The following HTR2C variants were observed in gnomAD, a reference collection of about 807,000 sequenced individuals.
HTR2C encodes 5-hydroxytryptamine receptor 2C, also known as 5-hydroxytryptamine (serotonin) receptor 2C, G protein-coupled.
HTR2C carries 5 observed loss-of-function variants against 21.0 expected under a neutral mutation model. That is an observed-to-expected ratio of 0.24 (90% CI 0.12 to 0.50). The LOEUF (loss-of-function observed/expected upper bound fraction) is 0.50, where lower values mean the gene tolerates loss of function less well. Among genes scored for constraint, HTR2C ranks in the 20% least tolerant of loss-of-function variants. HTR2C has a pLI of 0.98. For synonymous variants in HTR2C, 150 were observed against 145.3 expected, an observed-to-expected ratio of 1.03 and a Z score of -0.23; for missense variants, 271 against 371.2, an observed-to-expected ratio of 0.73 and a Z score of 2.22.
chrX:114,720,386 T>A (rs1556420441), intron 2 of HTR2C, among the ~76,000 whole-genome samples: 1 of 111,224 alleles, frequency 9.0e-6, no homozygotes, highest in Non-Finnish European at 1.9e-5. Context: ...ATAGTGCTAT[T>A]AAATGAGATG....
intron 4 of HTR2C, among the ~76,000 whole-genome samples, chrX:114,755,295 A>T (rs2147371556): frequency 9.0e-6 from 1 of 110,690 alleles, no homozygotes; most frequent in African/African-American, 3.3e-5. Flanking sequence ...GGAGGTCAAA[A>T]GTCTGAAATC....
chrX:114,761,883 A>ATGTG (rs2069872363), intron 4 of HTR2C, among the ~76,000 whole-genome samples: 8 of 108,869 alleles, frequency 7.3e-5, no homozygotes, highest in African/African-American at 1.0e-4. Context: ...CTATATATAT[A>ATGTG]TATATGTGTA....
chrX:114,663,299 G>A (rs1931058393), intron 2 of HTR2C, among the ~76,000 whole-genome samples: 2 of 110,696 alleles, frequency 1.8e-5, no homozygotes, highest in Admixed American at 1.9e-4. Context: ...TTGAGGAGAG[G>A]GGATAATAAG....
chrX:114,750,580 A>G (rs1209413263), intron 4 of HTR2C, among the ~76,000 whole-genome samples: 1 of 112,170 alleles, frequency 8.9e-6, no homozygotes, highest in Non-Finnish European at 1.9e-5. Context: ...TAAGCACTTT[A>G]CATGTATTTC....
chrX:114,907,432 C>A lies in HTR2C; in HGVS notation c.*17C>A, dbSNP rs200346263. ...AGTGTGTGAGAAAGAACAGCACAGT[C>A]TTTTCCTACGGTACAAGCTACATAT... On this transcript the variant is annotated 3_prime_UTR_variant, in exon 6 of 6. Transcript: ENST00000276198. The A allele has an allele frequency of 1.4e-5, 16 of 1,118,993 alleles. No homozygotes were observed. The highest frequency in any genetic ancestry group is 2.0e-5 in the Non-Finnish European group (16 of 815,528). 92.2% of individuals were successfully genotyped at this position (1,118,993 alleles called of 1,213,427 possible). A position where few individuals can be genotyped will look rare whatever the true frequency, so the allele number is the denominator to read the frequency against.
intron 5 of HTR2C, among the ~76,000 whole-genome samples, chrX:114,892,232 T>C (rs1458155472): frequency 1.8e-5 from 2 of 112,042 alleles, no homozygotes; most frequent in Admixed American, 1.9e-4. Flanking sequence ...TATCTGACAC[T>C]GTTCACATAA....
chrX:114,658,373 T>G (rs1556409627), intron 2 of HTR2C, among the ~76,000 whole-genome samples: 1 of 111,708 alleles, frequency 9.0e-6, no homozygotes, highest in African/African-American at 3.2e-5. Flanking sequence ...AGAGAATATA[T>G]AGAAGTATGA....
intron 5 of HTR2C, among the ~76,000 whole-genome samples, chrX:114,864,595 T>C (rs112207625): frequency 0.036 from 4,032 of 111,465 alleles, 187 homozygotes; most frequent in African/African-American, 0.13. Context: ...ACTATTTACC[T>C]CTACCAGTGA....
At chrX:114,598,089 T>C (rs1360919521) in intron 1 of HTR2C, among the ~76,000 whole-genome samples, 4 of 102,549 alleles carry the variant, frequency 3.9e-5, no homozygotes, top group African/African-American at 1.4e-4. Flanking sequence ...GGAGATCAAA[T>C]ATATGAGCTC....
At chrX:114,733,780 G>C (rs192547407) in intron 4 of HTR2C, among the ~76,000 whole-genome samples, 1 of 110,943 alleles carries the variant, frequency 9.0e-6, no homozygotes, top group South Asian at 3.8e-4. Flanking sequence ...GGATGCTCTT[G>C]AGCTTGGAAT....
At chrX:114,702,600 A>G (rs1173736403) in intron 2 of HTR2C, among the ~76,000 whole-genome samples, 2 of 111,774 alleles carry the variant, frequency 1.8e-5, no homozygotes, top group Admixed American at 1.9e-4. Flanking sequence ...CAGCCGCTGC[A>G]AAATCATGCC....
At chrX:114,801,419 G>A (rs2070344826) in intron 4 of HTR2C, among the ~76,000 whole-genome samples, 1 of 111,236 alleles carries the variant, frequency 9.0e-6, no homozygotes, top group Non-Finnish European at 1.9e-5. Context: ...TTTCGTGCAT[G>A]ACTCTGACTA....
chrX:114,597,779 A>G (rs781802898), intron 1 of HTR2C, among the ~76,000 whole-genome samples: 2 of 112,157 alleles, frequency 1.8e-5, no homozygotes, highest in African/African-American at 6.5e-5. Flanking sequence ...ACACTAGTTT[A>G]GCTAAATTTC....
chrX:114,707,175 A>C (rs1556418382), intron 2 of HTR2C, among the ~76,000 whole-genome samples: 2 of 111,937 alleles, frequency 1.8e-5, no homozygotes, highest in Non-Finnish European at 3.8e-5. Flanking sequence ...AACTAATTTA[A>C]GTGCATACTA....
At chrX:114,720,562 T>A (rs782156254) in intron 2 of HTR2C, among the ~76,000 whole-genome samples, 2 of 99,301 alleles carry the variant, frequency 2.0e-5, no homozygotes, top group African/African-American at 7.3e-5. Context: ...CATGTGCACA[T>A]TGTGCAGGTT....
chrX:114,718,547 T>C lies in HTR2C; in HGVS notation c.-79-8311T>C, dbSNP rs1418064313. Among the ~76,000 whole-genome samples, 4 of 112,184 alleles carry C rather than the reference T, an allele frequency of 3.6e-5. No homozygotes were observed. The East Asian group carries it at 1.1e-3, about 31-fold the overall frequency. The stretch of plus-strand genomic sequence containing the variant: ...GTTGAGGTTATTCTGCAATATCTTG[T>C]GTAAAATTGTACTATTGAAAATTAT... On this transcript the variant is annotated intron_variant, in intron 2 of 5. Transcript: ENST00000276198.
chrX:114,871,950 G>T (rs2071095506), intron 5 of HTR2C, among the ~76,000 whole-genome samples: 1 of 108,633 alleles, frequency 9.2e-6, no homozygotes, highest in African/African-American at 3.3e-5. Context: ...TATTTGGCAT[G>T]CAATTATTTA....
intron 2 of HTR2C, among the ~76,000 whole-genome samples, chrX:114,615,560 G>A (rs1556399948): frequency 9.0e-6 from 1 of 111,631 alleles, no homozygotes; most frequent in Non-Finnish European, 1.9e-5. Context: ...CTACTCTCAG[G>A]CTTCAAACAA....
intron 1 of HTR2C, among the ~76,000 whole-genome samples, chrX:114,587,649 C>G (rs782600870): frequency 8.9e-6 from 1 of 111,976 alleles, no homozygotes; most frequent in South Asian, 3.7e-4. Flanking sequence ...TCTAGGCTAC[C>G]TATGTCATTT....
Sources: gnomAD v4.1 joint callset for allele counts (sites outside exome capture counted in the v4.1 genomes callset) on GRCh38, gnomAD v4.1.1 for gene constraint, MANE v1.5 for transcripts, NCBI Gene and HGNC (gene_info 2026-07-23, HGNC 2026-07-21) for gene names.